Variants in CRPPA observed in about 807,000 individuals in gnomAD.
CRPPA encodes the protein D-ribitol-5-phosphate cytidylyltransferase.
CRPPA carries 43 observed loss-of-function variants against 52.0 expected under a neutral mutation model. The observed-to-expected ratio is 0.83, with a 90% CI of 0.65 to 1.07. The LOEUF is 1.07. CRPPA is among the 50% of genes least tolerant of loss of function. The pLI, the probability that CRPPA is intolerant of heterozygous loss-of-function variation, is 0.00. For synonymous variants in CRPPA, 250 were observed against 203.5 expected (o/e 1.23, Z -1.94); for missense variants, 629 against 551.7 (o/e 1.14, Z -1.40).
At chr7:16,249,803 A>T (rs953969298) in intron 8 of CRPPA, among the ~76,000 whole-genome samples, 2 of 152,200 alleles carry the variant, frequency 1.3e-5, no homozygotes, top group Non-Finnish European at 2.9e-5. Flanking sequence ...GAAAAGTCCA[A>T]AAACCAGAAT....
intron 3 of CRPPA, among the ~76,000 whole-genome samples, chr7:16,330,453 C>T (rs1785523355): frequency 6.6e-6 from 1 of 152,170 alleles, no homozygotes; most frequent in African/African-American, 2.4e-5. Context: ...AAGCTGCTGT[C>T]CCCAGAATCA....
At chr7:16,341,322 T>C (rs752938888) in intron 3 of CRPPA, among the ~76,000 whole-genome samples, 2 of 151,898 alleles carry the variant, frequency 1.3e-5, no homozygotes, top group Non-Finnish European at 1.5e-5. Flanking sequence ...GTAGGGGATA[T>C]TGATCATGGG....
At chr7:16,263,116 T>C (rs1388854509) in intron 6 of CRPPA, among the ~76,000 whole-genome samples, 2 of 152,224 alleles carry the variant, frequency 1.3e-5, no homozygotes, top group Non-Finnish European at 2.9e-5. Context: ...TAAGTATTCC[T>C]AGAAGAGCTT....
chr7:16,176,875 G>A (rs1266878359), intron 9 of CRPPA, among the ~76,000 whole-genome samples: 1 of 152,110 alleles, frequency 6.6e-6, no homozygotes, highest in Non-Finnish European at 1.5e-5. Context: ...GCTGCTACAA[G>A]TATTATTTAT....
intron 9 of CRPPA, among the ~76,000 whole-genome samples, chr7:16,110,132 A>G (rs368417268): frequency 1.3e-5 from 2 of 152,246 alleles, no homozygotes; most frequent in East Asian, 3.9e-4. Context: ...GCATTTTTAT[A>G]TACTAGCAAC....
intron 1 of CRPPA, among the ~76,000 whole-genome samples, chr7:16,413,484 A>C (rs1482541972): frequency 6.6e-6 from 1 of 152,218 alleles, no homozygotes; most frequent in Non-Finnish European, 1.5e-5. Context: ...TTCCTTTCTC[A>C]TTCTGAATCT....
At chr7:16,114,467 GA>G (rs1380985295) in intron 9 of CRPPA, among the ~76,000 whole-genome samples, 8 of 151,962 alleles carry the variant, frequency 5.3e-5, no homozygotes, top group African/African-American at 1.7e-4. Context: ...AGGGCAAACT[GA>G]AAAAATATGA....
At chr7:16,379,238 T>C (rs1468906081) in intron 2 of CRPPA, among the ~76,000 whole-genome samples, 1 of 152,204 alleles carries the variant, frequency 6.6e-6, no homozygotes, top group Admixed American at 6.5e-5. Flanking sequence ...TTTATGGTTT[T>C]AGGTCTAACG....
At chr7:16,169,907 TATTA>T (rs1781143354) in intron 9 of CRPPA, among the ~76,000 whole-genome samples, 1 of 152,196 alleles carries the variant, frequency 6.6e-6, no homozygotes, top group East Asian at 1.9e-4. Context: ...CAAATGATAA[TATTA>T]AACTATAAAT....
intron 8 of CRPPA, among the ~76,000 whole-genome samples, chr7:16,229,752 T>C (rs376594628): frequency 1.3e-5 from 2 of 152,280 alleles, no homozygotes; most frequent in East Asian, 3.9e-4. Context: ...AATGTTTTCA[T>C]ATTATTCATT....
chr7:16,236,341 C>A (rs1263858710), intron 8 of CRPPA, among the ~76,000 whole-genome samples: 1 of 152,060 alleles, frequency 6.6e-6, no homozygotes, highest in Non-Finnish European at 1.5e-5. Flanking sequence ...ACAACACTTG[C>A]TACATTCCAC....
At chr7:16,153,610 T>G (rs1252504779) in intron 9 of CRPPA, among the ~76,000 whole-genome samples, 1 of 152,172 alleles carries the variant, frequency 6.6e-6, no homozygotes, top group Admixed American at 6.5e-5. Flanking sequence ...CTATTTCCTA[T>G]ACTTTTGTCA....
At chr7:16,325,241 T>C (rs78601322) in intron 3 of CRPPA, among the ~76,000 whole-genome samples, 4,214 of 152,298 alleles carry the variant, frequency 0.028, 225 homozygotes, top group African/African-American at 0.097. Flanking sequence ...TTAAATGCTA[T>C]GTACTCCTTC....
At chr7:16,280,052 CT>C (rs1418095935) in intron 5 of CRPPA, among the ~76,000 whole-genome samples, 1 of 152,194 alleles carries the variant, frequency 6.6e-6, no homozygotes, top group Non-Finnish European at 1.5e-5. Flanking sequence ...ACTATCAGAT[CT>C]CATGAGACTT....
intron 3 of CRPPA, among the ~76,000 whole-genome samples, chr7:16,368,309 T>C (rs947634229): frequency 6.6e-6 from 1 of 152,194 alleles, no homozygotes; most frequent in Non-Finnish European, 1.5e-5. Context: ...TCTTTAGAAA[T>C]ATTTTCCTTT....
chr7:16,196,712 A>G (rs748031857), intron 9 of CRPPA, among the ~76,000 whole-genome samples: 4 of 152,124 alleles, frequency 2.6e-5, no homozygotes, highest in Non-Finnish European at 4.4e-5. Context: ...GTCTAAAACA[A>G]AAGAACCACC....
chr7:16,311,951 G>A (rs1449475205), intron 3 of CRPPA, among the ~76,000 whole-genome samples: 6 of 151,932 alleles, frequency 3.9e-5, no homozygotes, highest in Non-Finnish European at 8.8e-5. Flanking sequence ...TCTGTTTCTG[G>A]GGTCTTTATT....
At chr7:16,295,979 GAAC>G (rs938888651) in intron 5 of CRPPA, among the ~76,000 whole-genome samples, 217 of 152,124 alleles carry the variant, frequency 1.4e-3, no homozygotes, top group African/African-American at 4.6e-3. Flanking sequence ...AAACATTAAA[GAAC>G]AACAACCAAA....
At chr7:16,414,545 T>C (rs953656071) in intron 1 of CRPPA, among the ~76,000 whole-genome samples, 3 of 152,218 alleles carry the variant, frequency 2.0e-5, no homozygotes, top group Non-Finnish European at 4.4e-5. Flanking sequence ...GTGAATGTTA[T>C]GGTTTAATTG....
Sources: gnomAD v4.1 joint callset for allele counts (sites outside exome capture counted in the v4.1 genomes callset) on GRCh38, gnomAD v4.1.1 for gene constraint, MANE v1.5 for transcripts, NCBI Gene and HGNC (gene_info 2026-07-23, HGNC 2026-07-21) for gene names.